Variants in RBFOX1 observed in about 807,000 individuals in gnomAD.
RBFOX1 encodes the protein RNA binding protein fox-1 homolog 1.
In RBFOX1, 8 loss-of-function variants were observed where a neutral mutation model predicts 57.7. The ratio of observed to expected loss-of-function variants is 0.14; its 90% CI spans 0.08 to 0.25. RBFOX1 has a LOEUF of 0.25. RBFOX1 is among the 10% of genes least tolerant of loss of function. RBFOX1 has a pLI of 1.00. For synonymous variants in RBFOX1, 326 were observed against 222.4 expected (o/e 1.47, Z -4.15); for missense variants, 611 against 548.5 (o/e 1.11, Z -1.14).
intron 3 of RBFOX1, among the ~76,000 whole-genome samples, chr16:5,757,405 T>C (rs1172357546): frequency 1.3e-5 from 2 of 151,920 alleles, no homozygotes; most frequent in Non-Finnish European, 2.9e-5. Context: ...CTAATTTTTG[T>C]ATTTTTAGTA....
At chr16:6,431,382 C>G (rs1249967414) in intron 2 of RBFOX1, among the ~76,000 whole-genome samples, 1 of 151,836 alleles carries the variant, frequency 6.6e-6, no homozygotes, top group Admixed American at 6.6e-5. Flanking sequence ...TCCACAAGCC[C>G]TGGAAGAGGG....
At chr16:5,768,131 A>G (rs1009756004) in intron 3 of RBFOX1, among the ~76,000 whole-genome samples, 2 of 152,208 alleles carry the variant, frequency 1.3e-5, no homozygotes, top group South Asian at 2.1e-4. Flanking sequence ...AGATTTCTCT[A>G]TAGTCTGCAA....
intron 3 of RBFOX1, among the ~76,000 whole-genome samples, chr16:6,865,471 C>A (rs1188866827): frequency 6.6e-6 from 1 of 152,134 alleles, no homozygotes; most frequent in Non-Finnish European, 1.5e-5. Context: ...CCCACACACC[C>A]AGGCACCTTC....
intron 4 of RBFOX1, among the ~76,000 whole-genome samples, chr16:7,395,257 C>G (rs1262851590): frequency 1.3e-5 from 2 of 151,482 alleles, no homozygotes; most frequent in African/African-American, 4.9e-5. Context: ...CAGAATTGCT[C>G]TTTTTACTGG....
chr16:6,581,997 A>G (rs1038329299), intron 2 of RBFOX1, among the ~76,000 whole-genome samples: 1 of 152,174 alleles, frequency 6.6e-6, no homozygotes, highest in African/African-American at 2.4e-5. Context: ...AGTTGAAGGG[A>G]TGCTACCAGC....
chr16:5,642,985 C>G (rs1336320073), intron 3 of RBFOX1, among the ~76,000 whole-genome samples: 1 of 152,190 alleles, frequency 6.6e-6, no homozygotes, highest in African/African-American at 2.4e-5. Flanking sequence ...TCCACCGCCT[C>G]TCCTGAGCAC....
At chr16:7,224,756 A>G (rs1465538528) in intron 4 of RBFOX1, among the ~76,000 whole-genome samples, 1 of 152,220 alleles carries the variant, frequency 6.6e-6, no homozygotes, top group African/African-American at 2.4e-5. Context: ...CCTGAATGTG[A>G]GTGTCCAAAG....
At chr16:7,098,321 C>G (rs112242163) in intron 4 of RBFOX1, among the ~76,000 whole-genome samples, 1 of 152,148 alleles carries the variant, frequency 6.6e-6, no homozygotes, top group East Asian at 1.9e-4. Context: ...AGGTGTGCAT[C>G]GCCATGCCTG....
At chr16:5,921,542 T>A (rs561289665) in intron 4 of RBFOX1, among the ~76,000 whole-genome samples, 1 of 152,216 alleles carries the variant, frequency 6.6e-6, no homozygotes, top group African/African-American at 2.4e-5. Context: ...GTCACTGATA[T>A]TGATAAGACT....
chr16:6,831,748 G>A (rs1357783404), intron 3 of RBFOX1, among the ~76,000 whole-genome samples: 1 of 152,050 alleles, frequency 6.6e-6, no homozygotes, highest in Admixed American at 6.5e-5. Flanking sequence ...TGGATCTTTG[G>A]GCAATTATTT....
At chr16:6,003,752 C>T (rs539112286) in intron 4 of RBFOX1, among the ~76,000 whole-genome samples, 82 of 152,316 alleles carry the variant, frequency 5.4e-4, no homozygotes, top group Non-Finnish European at 8.7e-4. Flanking sequence ...TGCAAAACAG[C>T]TAAGCCAGGG....
intron 4 of RBFOX1, among the ~76,000 whole-genome samples, chr16:5,868,979 A>T (rs964387639): frequency 3.9e-5 from 6 of 152,146 alleles, no homozygotes; most frequent in African/African-American, 1.2e-4. Flanking sequence ...CCTTAAAAAA[A>T]TTTTGTGATG....
intron 4 of RBFOX1, among the ~76,000 whole-genome samples, chr16:7,110,493 G>C (rs1052036279): frequency 6.6e-6 from 1 of 152,206 alleles, no homozygotes; most frequent in African/African-American, 2.4e-5. Flanking sequence ...GGCTTAAGGA[G>C]AGCCTGAGCA....
At chr16:5,818,929 C>T (rs2055745769) in intron 3 of RBFOX1, among the ~76,000 whole-genome samples, 1 of 152,206 alleles carries the variant, frequency 6.6e-6, no homozygotes, top group South Asian at 2.1e-4. Context: ...ATCTCTTTCC[C>T]TTGTTCCATC....
intron 4 of RBFOX1, among the ~76,000 whole-genome samples, chr16:5,896,956 C>A (rs192256350): frequency 6.7e-6 from 1 of 149,222 alleles, no homozygotes; most frequent in Non-Finnish European, 1.5e-5. Context: ...GCTACGTTAC[C>A]CCCGCTATTT....
intron 2 of RBFOX1, among the ~76,000 whole-genome samples, chr16:6,593,814 G>C (rs2097748986): frequency 6.6e-6 from 1 of 152,188 alleles, no homozygotes; most frequent in Non-Finnish European, 1.5e-5. Context: ...GATTTTCAAT[G>C]AGGACTACGG....
At chr16:6,018,527 G>A (rs1447874106), upstream of RBFOX1, among the ~76,000 whole-genome samples, 1 of 152,166 alleles carries the variant, frequency 6.6e-6, no homozygotes, top group African/African-American at 2.4e-5. Flanking sequence ...TGGCCAGGAA[G>A]GGGGCAGGAC....
intron 1 of RBFOX1, among the ~76,000 whole-genome samples, chr16:5,380,018 G>A (rs979472301): frequency 1.6e-4 from 24 of 152,194 alleles, no homozygotes; most frequent in African/African-American, 5.8e-4. Context: ...GCAGTGGGCG[G>A]TGTGAGGGCA....
In RBFOX1 at chr16:7,250,580, G is replaced by T. The variant is rs1029493922; in HGVS notation, c.27+198482G>T. Among the ~76,000 whole-genome samples the T allele has an allele frequency of 3.9e-5, 6 of 152,210 alleles. No homozygotes were observed. In the South Asian group the frequency reaches 1.2e-3, roughly 32 times the overall value. On this transcript the variant is annotated intron_variant, in intron 4 of 15. Coordinates refer to ENST00000550418, the MANE Select transcript of RBFOX1 (RefSeq NM_018723.4). ...AACTACCTGAAGGCAAAGACTAAGA[G>T]TATATACCCCAGGGACGGGGATCAT...
Sources: gnomAD v4.1 joint callset for allele counts (sites outside exome capture counted in the v4.1 genomes callset) on GRCh38, gnomAD v4.1.1 for gene constraint, MANE v1.5 for transcripts, NCBI Gene and HGNC (gene_info 2026-07-23, HGNC 2026-07-21) for gene names.